Variants in SLC43A2 observed in about 807,000 individuals in gnomAD.
SLC43A2 encodes solute carrier family 43 member 2.
SLC43A2 carries 38 observed loss-of-function variants against 63.2 expected under a neutral mutation model. The observed-to-expected ratio is 0.60, with a 90% CI of 0.46 to 0.79. SLC43A2 has a LOEUF of 0.79. Ranked by LOEUF, SLC43A2 falls within the 30% of genes least tolerant of loss-of-function variation. The pLI, the probability that SLC43A2 is intolerant of heterozygous loss-of-function variation, is 0.00. For synonymous variants in SLC43A2, 322 were observed against 331.0 expected (o/e 0.97, Z 0.30); for missense variants, 644 against 756.2 (o/e 0.85, Z 1.74).
At chr17:1,576,803 C>G in intron 12 of SLC43A2, 83 bp from the exon 13 acceptor site, 1 of 1,522,848 alleles carries the variant, frequency 6.6e-7, no homozygotes, top group Non-Finnish European at 8.8e-7. Context: ...CGGGCTGCAC[C>G]GTTGGTGCCA....
At chr17:1,590,623 C>G (rs891145146) in intron 9 of SLC43A2, among the ~76,000 whole-genome samples, 179 bp downstream of exon 9, 18 of 152,296 alleles carry the variant, frequency 1.2e-4, no homozygotes, top group African/African-American at 4.1e-4. Flanking sequence ...CTGATGGGGA[C>G]ACGAAGAAAC....
chr17:1,577,315 G>C lies in SLC43A2; in HGVS notation c.1425-595C>G, dbSNP rs1007147693. Among the ~76,000 whole-genome samples, 4 of 152,212 alleles carry C rather than the reference G, an allele frequency of 2.6e-5. No homozygotes were observed. The highest frequency in any genetic ancestry group is 6.5e-5 in the Admixed American group (1 of 15,284). On this transcript the variant is annotated intron_variant, in intron 12 of 13. Transcript: ENST00000301335. The surrounding 1 kb of genome is among the most constrained non-coding windows in gnomAD (Gnocchi z 4.9). ...GGTGCCAGCGGGGACCTGCGGTTTG[G>C]GAAACAGGCCCAGAGAGGAGTGTGG...
intron 5 of SLC43A2, among the ~76,000 whole-genome samples, chr17:1,595,876 C>T (rs1285966341): frequency 6.6e-6 from 1 of 152,222 alleles, no homozygotes; most frequent in East Asian, 1.9e-4. Context: ...TGCCTGCCTG[C>T]AAGCAAATTA....
intron 5 of SLC43A2, among the ~76,000 whole-genome samples, chr17:1,594,788 CCA>C (rs1567625761): frequency 1.3e-5 from 2 of 151,644 alleles, no homozygotes; most frequent in African/African-American, 2.4e-5. Flanking sequence ...CGGGGTTTCA[CCA>C]CGTTAGCCAG....
chr17:1,602,842 T>C (rs1159231625), intron 5 of SLC43A2, among the ~76,000 whole-genome samples: 1 of 141,640 alleles, frequency 7.1e-6, no homozygotes, highest in Admixed American at 7.3e-5. Context: ...CACCGCAACC[T>C]CCACCTCCCG....
chr17:1,595,048 AGGGG>A (rs201392069), intron 5 of SLC43A2, among the ~76,000 whole-genome samples: 2 of 151,764 alleles, frequency 1.3e-5, no homozygotes, highest in Non-Finnish European at 2.9e-5. Context: ...GAGAGAGACA[AGGGG>A]GGCAGATCAC....
At chr17:1,611,836 T>C (rs1212626772) in intron 5 of SLC43A2, among the ~76,000 whole-genome samples, 1 of 152,214 alleles carries the variant, frequency 6.6e-6, no homozygotes, top group Non-Finnish European at 1.5e-5. Context: ...GAAGCCTCTC[T>C]GAAGAAGCTA....
Position 1,575,848 on chromosome 17 carries a change from AG to A in SLC43A2, c.1549-84del. On this transcript the variant is annotated intron_variant, in intron 13 of 13. Coordinates refer to ENST00000301335, the MANE Select transcript of SLC43A2 (RefSeq NM_152346.3). ...CCCGCCCTCCACTCGGGTTTGGGAA[AG>A]GGGAGAAGGTCACGGGGTGGAAGGG... The A allele has an allele frequency of 3.4e-6, 5 of 1,454,748 alleles. No homozygotes were observed. The Admixed American group carries it at 1.1e-4, about 33-fold the overall frequency. 90.1% of individuals were successfully genotyped at this position (1,454,748 alleles called of 1,614,324 possible).
rs538995977 is a variant in SLC43A2, at chr17:1,621,551, G to A, written c.161-4782C>T. 3.3e-4 allele frequency among the ~76,000 whole-genome samples: 51 copies of A among 152,356 alleles called. No homozygotes were observed. The South Asian group carries it at 8.1e-3, about 24-fold the overall frequency. On this transcript the variant is annotated intron_variant, in intron 2 of 13. Coordinates refer to ENST00000301335, the MANE Select transcript of SLC43A2 (RefSeq NM_152346.3). ...GAGCAAACAACAGGCAGGAGGGCACGGACAGGCAGAGGCCGTCCTGGGCTG... is the reference window on the plus strand; with the variant it reads ...GAGCAAACAACAGGCAGGAGGGCACAGACAGGCAGAGGCCGTCCTGGGCTG...
chr17:1,584,070 G>GT (rs1430207873), intron 10 of SLC43A2, among the ~76,000 whole-genome samples: 14 of 151,562 alleles, frequency 9.2e-5, no homozygotes. Flanking sequence ...TAATTTTTGC[G>GT]TTTTTGTAGA....
chr17:1,582,685 A>C (rs1311322526), intron 11 of SLC43A2, among the ~76,000 whole-genome samples: 1 of 152,224 alleles, frequency 6.6e-6, no homozygotes, highest in East Asian at 1.9e-4. Context: ...CCAGGTGTCC[A>C]GCTCACCTGC....
intron 11 of SLC43A2, among the ~76,000 whole-genome samples, chr17:1,582,456 T>A (rs931406569): frequency 1.3e-5 from 2 of 152,168 alleles, no homozygotes; most frequent in Non-Finnish European, 2.9e-5. Context: ...CCCGTGAGAC[T>A]CTGGTGACAG....
In SLC43A2 at chr17:1,602,536, C is replaced by T. The variant is rs565904398; in HGVS notation, c.502-9257G>A. Among the ~76,000 whole-genome samples the T allele has an allele frequency of 3.1e-4, 47 of 151,892 alleles. 1 individual carries two copies. The South Asian group carries it at 9.5e-3, about 31-fold the overall frequency. On this transcript the variant is annotated intron_variant, in intron 5 of 13. Transcript: ENST00000301335. ...TGGCAGGCACCTGTAATCCTAGCTA[C>T]TTGGGAAGCTGAGGCAGAAAAATCG...
rs570980579 is a variant in SLC43A2 at position 1,605,499 on chromosome 17, C to T, written c.501+7696G>A. 3.3e-4 allele frequency among the ~76,000 whole-genome samples: 50 copies of T among 152,076 alleles called. No individual in the cohort carries two copies. The highest frequency in any genetic ancestry group is 1.1e-3 in the African/African-American group (46 of 41,522). Reference sequence around the variant, plus strand: ...AAACAAGGGGCAACCGTGGCACCCCCGGCCCTGACTTTCCACATCCACGGA... The same window carrying T: ...AAACAAGGGGCAACCGTGGCACCCCTGGCCCTGACTTTCCACATCCACGGA... On this transcript the variant is annotated intron_variant, in intron 5 of 13. Transcript: ENST00000301335. This position sits in a 1 kb window ranked among gnomAD's most constrained non-coding sequence, Gnocchi z 4.9.
chr17:1,627,589 G>A (rs1388847852), intron 2 of SLC43A2, 126 bp downstream of exon 2: 1 of 942,234 alleles, frequency 1.1e-6, no homozygotes, highest in Non-Finnish European at 1.5e-6. Context: ...GATCAGATGG[G>A]CCTTCTGATA....
rs748648285 is a variant in SLC43A2, at chr17:1,575,649, G to C, written c.1665C>G (p.Leu555=). The C allele has an allele frequency of 1.9e-6, 3 of 1,614,172 alleles. No homozygotes were observed. Among genetic ancestry groups the C allele is most frequent in the Non-Finnish European group, 2.5e-6 (3 of 1,180,018 alleles). Residue 555 remains leucine, a synonymous_variant, in exon 14 of 14, where the codon CTC becomes CTG. Coordinates refer to ENST00000301335, the MANE Select transcript of SLC43A2 (RefSeq NM_152346.3). ...QLQQRQEDDK[L]FLKINGSSNQ... ...TGGACGAGCCGTTGATTTTGAGGAA[G>C]AGTTTGTCATCCTCCTGCCTCTGCT...
At chr17:1,591,962 T>C (rs1356217399) in intron 6 of SLC43A2, among the ~76,000 whole-genome samples, 9 of 152,230 alleles carry the variant, frequency 5.9e-5, no homozygotes, top group Non-Finnish European at 2.9e-5. Flanking sequence ...CGCCCCGCCA[T>C]GACCACGGCA....
chr17:1,585,983 A>T lies in SLC43A2; in HGVS notation c.1147T>A (p.Tyr383Asn). 6.2e-7 allele frequency: 1 copy of T among 1,613,360 alleles called. No homozygotes were observed. The highest frequency in any genetic ancestry group is 8.5e-7 in the Non-Finnish European group (1 of 1,179,900). Reference sequence around the variant, plus strand: ...TCCTTCAGCCTCCAGTCCATGATGTAGCCAATGACGGGGGCCGTCAGCAGG... The same window carrying T: ...TCCTTCAGCCTCCAGTCCATGATGTTGCCAATGACGGGGGCCGTCAGCAGG... ...LCLLTAPVIG[Y>N]IMDWRLKECE... The change falls in exon 10 of 14, where the codon TAC (tyrosine) becomes AAC (asparagine). Residue 383 changes from tyrosine (Y) to asparagine (N), a missense_variant. Physicochemically the swap from Tyr to Asn is moderately radical, Grantham distance 143. This residue lies in a region of SLC43A2 where 528 missense variants were observed against 623.6 expected (regional missense o/e 0.85). Coordinates refer to ENST00000301335, the MANE Select transcript of SLC43A2 (RefSeq NM_152346.3).
At chr17:1,620,717 T>A (rs746081356) in intron 2 of SLC43A2, among the ~76,000 whole-genome samples, 11 of 152,028 alleles carry the variant, frequency 7.2e-5, no homozygotes, top group Non-Finnish European at 1.6e-4. Context: ...AAGGAAGCCC[T>A]TGGTGAGCCC....
Sources: allele counts gnomAD v4.1 joint callset (sites outside exome capture counted in the v4.1 genomes callset), GRCh38; gene constraint gnomAD v4.1.1; regional missense constraint gnomAD v4.1.1; non-coding constraint Gnocchi (gnomAD v3.1); transcripts MANE v1.5; gene names NCBI Gene and HGNC (gene_info 2026-07-23, HGNC 2026-07-21).